SGCD: variants seen among roughly 807,000 people sequenced by gnomAD.
SGCD encodes the protein sarcoglycan delta.
In SGCD, 18 loss-of-function variants were observed where a neutral mutation model predicts 36.6. That is an observed-to-expected ratio of 0.49 (90% confidence interval 0.34 to 0.73). SGCD has a LOEUF of 0.73. SGCD is among the 30% of genes least tolerant of loss of function. The pLI is 0.01. For synonymous variants in SGCD, 133 were observed against 130.6 expected, an observed-to-expected ratio of 1.02 and a Z score of -0.12; for missense variants, 387 against 346.7, an observed-to-expected ratio of 1.12 and a Z score of -0.92.
At chr5:156,081,839 C>T (rs776580326) in intron 1 of SGCD, among the ~76,000 whole-genome samples, 1 of 152,076 alleles carries the variant, frequency 6.6e-6, no homozygotes, top group Non-Finnish European at 1.5e-5. Flanking sequence ...TATTAATGTG[C>T]ACGGAGGATA....
At chr5:156,531,579 G>A (rs908316472) in intron 4 of SGCD, among the ~76,000 whole-genome samples, 10 of 152,152 alleles carry the variant, frequency 6.6e-5, no homozygotes, top group African/African-American at 2.4e-4. Context: ...CACAGGGTCG[G>A]TGGTCCTGTT....
chr5:156,313,324 C>T (rs1301530303), intron 3 of SGCD, among the ~76,000 whole-genome samples: 1 of 152,028 alleles, frequency 6.6e-6, no homozygotes, highest in African/African-American at 2.4e-5. Flanking sequence ...TAAAGTTGTA[C>T]ATAATTTGTA....
At chr5:156,694,378 A>C (rs903563513) in intron 7 of SGCD, among the ~76,000 whole-genome samples, 20 of 152,340 alleles carry the variant, frequency 1.3e-4, no homozygotes, top group African/African-American at 4.1e-4. Context: ...GGGCATTGAC[A>C]TTCAAATCTG....
At chr5:156,398,608 A>G (rs576883796) in intron 3 of SGCD, among the ~76,000 whole-genome samples, 21 of 152,324 alleles carry the variant, frequency 1.4e-4, no homozygotes, top group African/African-American at 4.8e-4. Flanking sequence ...CCCAGAGACT[A>G]CATTTCCCAG....
intron 3 of SGCD, among the ~76,000 whole-genome samples, chr5:156,290,644 GT>G (rs752242579): frequency 2.6e-5 from 4 of 152,124 alleles, no homozygotes; most frequent in Non-Finnish European, 5.9e-5. Context: ...CTGTGAGAAA[GT>G]TTTAAATGTT....
intron 1 of SGCD, among the ~76,000 whole-genome samples, chr5:155,883,769 G>A (rs750204196): frequency 2.2e-5 from 3 of 138,710 alleles, no homozygotes; most frequent in Non-Finnish European, 4.5e-5. Flanking sequence ...GCTGGATGCA[G>A]GGTTACCACA....
At chr5:156,257,793 G>T (rs1238282367) in intron 3 of SGCD, among the ~76,000 whole-genome samples, 1 of 152,116 alleles carries the variant, frequency 6.6e-6, no homozygotes, top group Non-Finnish European at 1.5e-5. Context: ...GAACCCGGGA[G>T]GTGGAGGTTG....
At chr5:156,558,105 ATATATATATATATATATATT>A (rs1446831449) in intron 4 of SGCD, among the ~76,000 whole-genome samples, 1 of 133,928 alleles carries the variant, frequency 7.5e-6, no homozygotes, top group Non-Finnish European at 1.6e-5. Context: ...ATATATATAT[ATATATATATATATATATATT>A]ATTTAACTCT....
intron 3 of SGCD, among the ~76,000 whole-genome samples, chr5:156,433,288 T>A (rs1753102314): frequency 6.6e-6 from 1 of 152,132 alleles, no homozygotes; most frequent in South Asian, 2.1e-4. Flanking sequence ...ATGGCATCTC[T>A]CTAGTAAGTT....
At chr5:156,192,709 A>G (rs1763921703) in intron 3 of SGCD, among the ~76,000 whole-genome samples, 2 of 151,702 alleles carry the variant, frequency 1.3e-5, no homozygotes, top group Non-Finnish European at 2.9e-5. Context: ...TACACATTCT[A>G]TGCATGTAAC....
intron 2 of SGCD, among the ~76,000 whole-genome samples, chr5:156,340,912 A>G (rs6894835): frequency 6.6e-6 from 1 of 151,958 alleles, no homozygotes; most frequent in African/African-American, 2.4e-5. Context: ...TCCATGCAGG[A>G]TTCTTTATAA....
At chr5:156,504,061 A>G (rs1756578787) in intron 3 of SGCD, among the ~76,000 whole-genome samples, 1 of 151,936 alleles carries the variant, frequency 6.6e-6, no homozygotes, top group Non-Finnish European at 1.5e-5. Flanking sequence ...AAAATTAGCC[A>G]GGCATAGTGG....
chr5:156,204,474 A>ACT (rs1554083855), intron 3 of SGCD, among the ~76,000 whole-genome samples: 360 of 14,840 alleles, frequency 0.024, 7 homozygotes, highest in South Asian at 0.14. Flanking sequence ...ACACACTCAT[A>ACT]CACACACACA....
intron 1 of SGCD, among the ~76,000 whole-genome samples, chr5:155,917,992 A>C (rs184622529): frequency 5.2e-4 from 79 of 152,226 alleles, no homozygotes; most frequent in African/African-American, 1.9e-3. Context: ...TTTTTTGGCC[A>C]CAATTCTCTT....
upstream of SGCD, among the ~76,000 whole-genome samples, chr5:155,867,059 AT>A (rs1755537710): frequency 6.6e-6 from 1 of 152,188 alleles, no homozygotes; most frequent in Non-Finnish European, 1.5e-5. Context: ...AGAGAAAATG[AT>A]GGAGAGGAAA....
Position 156,643,014 on chromosome 5 carries a change from G to T in SGCD, c.503-4450G>T, listed in dbSNP as rs539710353. ...TGAGATTAATTACTAGGTTTTTTGG[G>T]GGGTTTTTTGTTTTTTTTTTTGTTT... On this transcript the variant is annotated intron_variant, in intron 6 of 8. Coordinates refer to ENST00000337851, the MANE Select transcript of SGCD (RefSeq NM_000337.6). Among the ~76,000 whole-genome samples, 49 of 138,702 alleles carry T rather than the reference G, an allele frequency of 3.5e-4. No homozygotes were observed. In the Admixed American group the frequency reaches 3.9e-3, roughly 11 times the overall value. The allele number at this position is 138,702 out of a possible 152,430, so 91.0% of individuals were successfully genotyped here.
chr5:156,281,271 T>TC (rs912028680), intron 3 of SGCD, among the ~76,000 whole-genome samples: 27 of 150,638 alleles, frequency 1.8e-4, no homozygotes, highest in African/African-American at 3.4e-4. Flanking sequence ...TCTCTCATCA[T>TC]CCCCCCCCAA....
chr5:156,724,860 C>T (rs1755693476), intron 7 of SGCD, among the ~76,000 whole-genome samples: 3 of 152,172 alleles, frequency 2.0e-5, no homozygotes, highest in African/African-American at 7.2e-5. Context: ...GAAATTTCTC[C>T]TCTTATATAT....
chr5:156,448,543 ACT>A (rs540414213), intron 3 of SGCD, among the ~76,000 whole-genome samples: 61 of 152,144 alleles, frequency 4.0e-4, no homozygotes, highest in African/African-American at 1.4e-3. Flanking sequence ...AGCTGGAAGG[ACT>A]GGTTTAAATA....
Sources: allele counts gnomAD v4.1 joint callset (sites outside exome capture counted in the v4.1 genomes callset), GRCh38; gene constraint gnomAD v4.1.1; transcripts MANE v1.5; gene names NCBI Gene and HGNC (gene_info 2026-07-23, HGNC 2026-07-21).